Variants in GLG1 observed in about 807,000 individuals in gnomAD.
The protein encoded by GLG1 is Golgi apparatus protein 1.
GLG1 carries 38 observed loss-of-function variants against 160.5 expected under a neutral mutation model. That is an observed-to-expected ratio of 0.24 (90% CI 0.18 to 0.31). The LOEUF (loss-of-function observed/expected upper bound fraction) is 0.31, where lower values mean the gene tolerates loss of function less well. Among genes scored for constraint, GLG1 ranks in the 10% least tolerant of loss-of-function variants. GLG1 has a pLI of 1.00. For missense variants in GLG1, 1,373 were observed against 1,505.2 expected, an observed-to-expected ratio of 0.91 and a Z score of 1.45; for synonymous variants, 644 against 543.4, an observed-to-expected ratio of 1.19 and a Z score of -2.57.
intron 18 of GLG1, 35 bp from the exon 19 acceptor site, chr16:74,465,848 G>C: frequency 6.3e-7 from 1 of 1,591,588 alleles, no homozygotes; most frequent in Non-Finnish European, 8.6e-7. Flanking sequence ...GTTGAGAGAT[G>C]TCAGAGACTG....
Position 74,493,020 on chromosome 16 carries a change from G to A in GLG1, c.1171C>T (p.Pro391Ser). 2 of 1,613,954 alleles carry A rather than the reference G, an allele frequency of 1.2e-6. No individual in the cohort carries two copies. The highest frequency in any genetic ancestry group is 1.7e-6 in the Non-Finnish European group (2 of 1,179,888). The change falls in exon 7 of 26, where the codon CCG becomes TCG. Residue 391 changes from proline (P) to serine (S), a missense_variant. Around this residue, in one of 4 missense-constraint regions of GLG1, gnomAD observed 386 missense variants for 388.5 expected, o/e 0.99. Transcript: ENST00000422840. ...GAGAGCCTGGCTTCACGCGATCGCG[G>A]AAGGTTTTCCACATTGCACCGGTAT... ...KKYRCNVENL[P>S]RSREARLSYL...
intron 1 of GLG1, among the ~76,000 whole-genome samples, chr16:74,558,401 G>T (rs1043466618): frequency 6.6e-6 from 1 of 152,168 alleles, no homozygotes; most frequent in Admixed American, 6.5e-5. Context: ...ATGAATAATG[G>T]ATAATAAAAT....
intron 15 of GLG1, 105 bp from the exon 16 acceptor site, chr16:74,470,178 C>A: frequency 1.3e-6 from 1 of 744,706 alleles, no homozygotes; most frequent in Non-Finnish European, 2.4e-6. Flanking sequence ...TTTACAAGAC[C>A]CTGCATGGCT....
intron 11 of GLG1, among the ~76,000 whole-genome samples, chr16:74,478,894 CAAA>C (rs370595276): frequency 3.6e-4 from 29 of 80,214 alleles, no homozygotes; most frequent in African/African-American, 1.2e-3. Context: ...AACTCCGTCT[CAAA>C]AAAAAAAAAA....
intron 13 of GLG1, chr16:74,474,342 T>G (rs2015323925): frequency 3.6e-6 from 2 of 559,786 alleles, no homozygotes; most frequent in African/African-American, 3.8e-5. Context: ...CTGTATAGAG[T>G]GTTGTTCTAG....
At chr16:74,522,908 C>A (rs537209005) in intron 2 of GLG1, among the ~76,000 whole-genome samples, 4 of 152,172 alleles carry the variant, frequency 2.6e-5, no homozygotes, top group Admixed American at 2.6e-4. Flanking sequence ...TGGTCTCAAA[C>A]TCTGGGCTCA....
At chr16:74,486,924 T>TCCC (rs36122087) in intron 8 of GLG1, among the ~76,000 whole-genome samples, 1,908 of 149,664 alleles carry the variant, frequency 0.013, 14 homozygotes, top group Non-Finnish European at 0.021. Context: ...CTTTTTTTTT[T>TCCC]CCCCCCCGAG....
chr16:74,531,209 C>A (rs2017520849), intron 2 of GLG1, among the ~76,000 whole-genome samples: 1 of 152,142 alleles, frequency 6.6e-6, no homozygotes, highest in African/African-American at 2.4e-5. Context: ...AATAGCCAAT[C>A]TGTCTCTGCT....
intron 12 of GLG1, among the ~76,000 whole-genome samples, chr16:74,474,954 C>T (rs899992599): frequency 2.6e-5 from 4 of 152,042 alleles, no homozygotes; most frequent in South Asian, 2.1e-4. Flanking sequence ...GTCAGGAGTT[C>T]GAGACCAGCC....
At chr16:74,470,115 C>T (rs749997934) in intron 15 of GLG1, 42 bp from the exon 16 acceptor site, 2 of 1,244,292 alleles carry the variant, frequency 1.6e-6, no homozygotes, top group African/African-American at 1.5e-5. Flanking sequence ...TTTGTGGCAA[C>T]TTGTGGTCAG....
intron 2 of GLG1, among the ~76,000 whole-genome samples, chr16:74,514,493 C>G (rs2016916090): frequency 6.6e-6 from 1 of 152,174 alleles, no homozygotes; most frequent in South Asian, 2.1e-4. Flanking sequence ...ATTCAACATT[C>G]TTAAAGAAAA....
intron 14 of GLG1, among the ~76,000 whole-genome samples, chr16:74,471,813 A>G (rs142820090): frequency 6.6e-6 from 1 of 152,292 alleles, no homozygotes; most frequent in Non-Finnish European, 1.5e-5. Flanking sequence ...AAAAAGGGCA[A>G]CTCAGTAACT....
chr16:74,509,163 ATTTT>A (rs11295055), intron 2 of GLG1, among the ~76,000 whole-genome samples: 3 of 89,640 alleles, frequency 3.3e-5, no homozygotes, highest in African/African-American at 9.1e-5. Flanking sequence ...CTAAAGGACA[ATTTT>A]TTTTTTTTTT....
chr16:74,489,645 G>C (rs1366339868), intron 8 of GLG1, among the ~76,000 whole-genome samples: 1 of 152,156 alleles, frequency 6.6e-6, no homozygotes, highest in African/African-American at 2.4e-5. Flanking sequence ...CTGCACCCTA[G>C]AAACAACACT....
intron 2 of GLG1, among the ~76,000 whole-genome samples, chr16:74,526,480 T>C (rs933191774): frequency 1.8e-4 from 26 of 145,968 alleles, no homozygotes; most frequent in African/African-American, 5.9e-4. Flanking sequence ...TCCTAACACT[T>C]TGTGAGGCTG....
At position 74,585,783 on chromosome 16, in the gene GLG1, C is replaced by A. The variant is rs372362067; in HGVS notation, c.438+20874G>T. Among the ~76,000 whole-genome samples the A allele has an allele frequency of 2.6e-5, 4 of 151,626 alleles. No homozygotes were observed. The East Asian group carries it at 7.7e-4, about 29-fold the overall frequency. On this transcript the variant is annotated intron_variant, in intron 1 of 25. Coordinates refer to ENST00000422840, the MANE Select transcript of GLG1 (RefSeq NM_001145667.2). Reference sequence around the variant, plus strand: ...TTTAGTTATCTAAAGTAAGATTTGGCCGGATGAGGTGGCTCATGCCTGTAA... The same window carrying A: ...TTTAGTTATCTAAAGTAAGATTTGGACGGATGAGGTGGCTCATGCCTGTAA...
At chr16:74,570,011 G>T (rs1226875195) in intron 1 of GLG1, among the ~76,000 whole-genome samples, 2 of 147,718 alleles carry the variant, frequency 1.4e-5, no homozygotes, top group African/African-American at 5.0e-5. Context: ...AGCAAACCCC[G>T]TCTCAAAAAA....
At position 74,515,198 on chromosome 16, in the gene GLG1, G is replaced by T. The variant is rs113067911; in HGVS notation, c.472-6273C>A. Among the ~76,000 whole-genome samples the T allele has an allele frequency of 9.9e-3, 1,501 of 152,170 alleles. 12 individuals are homozygous for T. The highest frequency in any genetic ancestry group is 0.017 in the Non-Finnish European group (1,168 of 67,996). ...TTAGACTCTCACACAATAATAATGG[G>T]AGACTTTAACACCCCACCATCAATA... On this transcript the variant is annotated intron_variant, in intron 2 of 25. Transcript: ENST00000422840.
At chr16:74,474,318 A>G (rs2015322981) in intron 13 of GLG1, 1 of 457,052 alleles carries the variant, frequency 2.2e-6, no homozygotes, top group Non-Finnish European at 3.9e-6. Flanking sequence ...TAATTTATGA[A>G]GAAAACCAAA....
Sources: allele counts gnomAD v4.1 joint callset (sites outside exome capture counted in the v4.1 genomes callset), GRCh38; gene constraint gnomAD v4.1.1; regional missense constraint gnomAD v4.1.1; transcripts MANE v1.5; gene names NCBI Gene and HGNC (gene_info 2026-07-23, HGNC 2026-07-21).